Variants in INTS11 observed in about 807,000 individuals in gnomAD.
INTS11 encodes CPSF3-like protein.
INTS11 carries 77 observed loss-of-function variants against 78.6 expected under a neutral mutation model. The ratio of observed to expected loss-of-function variants is 0.98; its 90% CI spans 0.81 to 1.18. The LOEUF (loss-of-function observed/expected upper bound fraction) is 1.18, where lower values mean the gene tolerates loss of function less well. INTS11 is among the 50% of genes most tolerant of loss of function. The pLI is 0.00. For synonymous variants in INTS11, 441 were observed against 326.9 expected, an observed-to-expected ratio of 1.35 and a Z score of -3.77; for missense variants, 875 against 825.9, an observed-to-expected ratio of 1.06 and a Z score of -0.73.
chr1:1,314,321 G>A lies in INTS11; in HGVS notation c.747C>T (p.Cys249=), dbSNP rs1374460790. The A allele has an allele frequency of 6.9e-6, 11 of 1,605,128 alleles. No homozygotes were observed. The highest frequency in any genetic ancestry group is 6.8e-5 in the Admixed American group (4 of 58,774). ...VFALGRAQEL[C]ILLETFWERM... ...CCTACCAGAAGGTCTCCAGGAGGAT[G>A]CAGAGCTCCTGGGCGCGGCCCAGCG... Residue 249 remains cysteine, a synonymous_variant, in exon 8 of 17, where the codon TGC becomes TGT. Transcript: ENST00000435064. The surrounding 1 kb of genome is among the most constrained non-coding windows in gnomAD (Gnocchi z 4.2).
At chr1:1,319,791 C>T (rs537427676) in intron 3 of INTS11, 3 of 479,894 alleles carry the variant, frequency 6.3e-6, no homozygotes, top group South Asian at 2.7e-5. Context: ...CTGAGGGAAC[C>T]GCGCATAGGG....
Position 1,314,901 on chromosome 1 carries a change from T to C in INTS11, c.625A>G (p.Thr209Ala). The change falls in exon 7 of 17, where the codon ACC (threonine) becomes GCC (alanine). Residue 209 changes from threonine (T) to alanine (A), a missense_variant. Physicochemically the swap from Thr to Ala is moderately conservative, Grantham distance 58. Coordinates refer to ENST00000435064, the MANE Select transcript of INTS11 (RefSeq NM_017871.6). This position sits in a 1 kb window ranked among gnomAD's most constrained non-coding sequence, Gnocchi z 4.2. ...LLITESTYATTIRDSKRCRER... is the reference protein window; with the variant it reads ...LLITESTYATAIRDSKRCRER... Reference sequence around the variant, plus strand: ...CGGCAGCGCTTGGAGTCACGGATGGTCGTGGCGTACGTGGACTCTGTGATG... The same window carrying C: ...CGGCAGCGCTTGGAGTCACGGATGGCCGTGGCGTACGTGGACTCTGTGATG... 1 of 1,612,934 alleles carries C rather than the reference T, an allele frequency of 6.2e-7. No homozygotes were observed. Among genetic ancestry groups the C allele is most frequent in the Non-Finnish European group, 8.5e-7 (1 of 1,179,914 alleles).
Position 1,312,815 on chromosome 1 carries a change from G to A in INTS11, c.1266C>T (p.Phe422=). The change falls in exon 12 of 17, where the codon TTC becomes TTT. Residue 422 remains phenylalanine (F), a synonymous_variant. Coordinates refer to ENST00000435064, the MANE Select transcript of INTS11 (RefSeq NM_017871.6). ...LVHGEAKKME[F]LKQKIEQELR... ...GCTCCTGCTCGATCTTCTGCTTCAGGAACTCCATCTTCTTGGCCTCGCCAT... is the reference window on the plus strand; with the variant it reads ...GCTCCTGCTCGATCTTCTGCTTCAGAAACTCCATCTTCTTGGCCTCGCCAT... 6.2e-7 allele frequency: 1 copy of A among 1,610,830 alleles called. No individual in the cohort carries two copies. The highest frequency in any genetic ancestry group is 1.1e-5 in the South Asian group (1 of 91,058).
chr1:1,323,081 G>A (rs1643057253), intron 1 of INTS11: 1 of 1,490,630 alleles, frequency 6.7e-7, no homozygotes, highest in South Asian at 1.3e-5. Context: ...TGGGGCCCAT[G>A]CAAACAGCTG....
rs1557633561 is a variant in INTS11, at chr1:1,313,937, C to A, written c.768-16G>T. 6.2e-7 allele frequency: 1 copy of A among 1,607,272 alleles called. No homozygotes were observed. Among genetic ancestry groups the A allele is most frequent in the Non-Finnish European group, 8.5e-7 (1 of 1,175,880 alleles). ...CATGCGCTCCCTGGGGACCACCGGCCCAGTCAGCACAGTGGCCACAGGGGA... is the reference window on the plus strand; with the variant it reads ...CATGCGCTCCCTGGGGACCACCGGCACAGTCAGCACAGTGGCCACAGGGGA... On this transcript the variant is annotated splice_polypyrimidine_tract_variant and intron_variant, in intron 8 of 16. Coordinates refer to ENST00000435064, the MANE Select transcript of INTS11 (RefSeq NM_017871.6).
intron 10 of INTS11, 151 bp downstream of exon 10, chr1:1,313,358 C>T: frequency 2.1e-6 from 2 of 946,670 alleles, no homozygotes; most frequent in Non-Finnish European, 3.3e-6. Flanking sequence ...TGAGCAGCTC[C>T]AGGCGGACAT....
At position 1,314,842 on chromosome 1, in the gene INTS11, G is replaced by A. The variant is rs368395926; in HGVS notation, c.684C>T (p.Thr228=). The A allele has an allele frequency of 4.7e-5, 75 of 1,612,062 alleles. No individual in the cohort carries two copies. The highest frequency in any genetic ancestry group is 5.1e-5 in the Non-Finnish European group (60 of 1,179,386). Residue 228 remains threonine, a synonymous_variant, in exon 7 of 17, where the codon ACC becomes ACT. Coordinates refer to ENST00000435064, the MANE Select transcript of INTS11 (RefSeq NM_017871.6). The surrounding 1 kb of genome is among the most constrained non-coding windows in gnomAD (Gnocchi z 4.2). The part of the protein sequence containing the change: ...ERDFLKKVHE[T]VERGGKVLIP... ...CAGCTACCTTCCCACCACGCTCCAC[G>A]GTCTCGTGGACTTTCTTCAGGAAGT...
At chr1:1,320,804 C>T (rs969401030) in intron 2 of INTS11, 192 bp downstream of exon 2, 1 of 724,930 alleles carries the variant, frequency 1.4e-6, no homozygotes. Flanking sequence ...GGGCTCAGCG[C>T]CAGCACAGGG....
At position 1,312,887 on chromosome 1, in the gene INTS11, G is replaced by A. The variant is rs1642316566; in HGVS notation, c.1194C>T (p.Ile398=). The part of the protein sequence containing the change: ...SFSAHADAKG[I]MQLVGQAEPE... ...GCTCTGCCTGGCCCACCAGCTGCAT[G>A]ATGCCCTTGGCGTCCGCGTGTGCGC... The change falls in exon 12 of 17, where the codon ATC becomes ATT. Residue 398 remains isoleucine (I), a synonymous_variant. Transcript: ENST00000435064. The A allele has an allele frequency of 1.2e-6, 2 of 1,612,456 alleles. No homozygotes were observed. The highest frequency in any genetic ancestry group is 1.6e-4 in the Middle Eastern group (1 of 6,082).
Position 1,313,936 on chromosome 1 carries a change from C to T in INTS11, c.768-15G>A, listed in dbSNP as rs369838651. 1.6e-5 allele frequency: 26 copies of T among 1,609,278 alleles called. No homozygotes were observed. The highest frequency in any genetic ancestry group is 2.2e-5 in the Non-Finnish European group (26 of 1,177,320). ...TCATGCGCTCCCTGGGGACCACCGG[C>T]CCAGTCAGCACAGTGGCCACAGGGG... is the stretch of plus-strand genomic sequence containing the variant. On this transcript the variant is annotated splice_polypyrimidine_tract_variant and intron_variant, in intron 8 of 16. Coordinates refer to ENST00000435064, the MANE Select transcript of INTS11 (RefSeq NM_017871.6).
rs757672431 is a variant in INTS11 at position 1,314,341 on chromosome 1, C to T, written c.727G>A (p.Gly243Ser). The change falls in exon 8 of 17, where the codon GGC becomes AGC. Residue 243 changes from glycine to serine, a missense_variant. By Grantham distance (56) the Gly-to-Ser change is moderately conservative. Transcript: ENST00000435064. The surrounding 1 kb of genome is among the most constrained non-coding windows in gnomAD (Gnocchi z 4.2). ...GKVLIPVFAL[G>S]RAQELCILLE... ...AGGATGCAGAGCTCCTGGGCGCGGC[C>T]CAGCGCGAACACAGGTATCAGCACC... 6.2e-7 allele frequency: 1 copy of T among 1,607,642 alleles called. No individual in the cohort carries two copies.
intron 4 of INTS11, among the ~76,000 whole-genome samples, chr1:1,318,145 C>T (rs1185954120): frequency 6.6e-6 from 1 of 152,166 alleles, no homozygotes; most frequent in Non-Finnish European, 1.5e-5. Context: ...GCTGGGATTA[C>T]AGGCGTGAGC....
chr1:1,323,084 A>G, intron 1 of INTS11: 1 of 1,493,228 alleles, frequency 6.7e-7, no homozygotes, highest in Non-Finnish European at 9.0e-7. Flanking sequence ...GGCCCATGCA[A>G]ACAGCTGCAA....
chr1:1,322,866 A>C (rs3845293), intron 1 of INTS11: 1,034,382 of 1,160,086 alleles, frequency 0.89, 470,851 homozygotes, highest in Non-Finnish European at 0.93. Flanking sequence ...GGAAGCGGTG[A>C]AACAGGACTT....
intron 4 of INTS11, chr1:1,317,804 C>A (rs1295332659): frequency 1.3e-5 from 2 of 152,014 alleles, no homozygotes; most frequent in East Asian, 3.9e-4. Context: ...TCTTACACAC[C>A]TAAGGGAAAA....
Position 1,314,834 on chromosome 1 carries a change from C to A in INTS11, c.692G>T (p.Arg231Leu). ...CCCTGCTGCAGCTACCTTCCCACCA[C>A]GCTCCACGGTCTCGTGGACTTTCTT... Reference protein sequence around the residue: ...FLKKVHETVERGGKVLIPVFA... With the variant: ...FLKKVHETVELGGKVLIPVFA... Residue 231 changes from arginine (R) to leucine (L), a missense_variant, in exon 7 of 17, where the codon CGT becomes CTT. Physicochemically the swap from Arg to Leu is moderately radical, Grantham distance 102. Transcript: ENST00000435064. The surrounding 1 kb of genome is among the most constrained non-coding windows in gnomAD (Gnocchi z 4.2). The A allele has an allele frequency of 6.2e-7, 1 of 1,611,404 alleles. No homozygotes were observed. Among genetic ancestry groups the A allele is most frequent in the Non-Finnish European group, 8.5e-7 (1 of 1,178,720 alleles).
intron 4 of INTS11, chr1:1,318,955 G>A (rs933686219): frequency 2.8e-5 from 20 of 717,066 alleles, no homozygotes; most frequent in East Asian, 5.4e-5. Flanking sequence ...GCAACACCCC[G>A]GGAGCTCCAG....
In INTS11 at chr1:1,312,213, G is replaced by GCCCGGCCCCCCCCCCCC; in HGVS notation, c.1607+12_1607+13insGGGGGGGGGGGGCCGGG. On this transcript the variant is annotated intron_variant, in intron 15 of 16. Coordinates refer to ENST00000435064, the MANE Select transcript of INTS11 (RefSeq NM_017871.6). ...CCCAAGGGAGTGGGGGGGGGGCGGG[G>GCCCGGCCCCCCCCCCCC]CCGGGCGCCCACCTCTTGAGGTGGC... 3.2e-6 allele frequency: 3 copies of GCCCGGCCCCCCCCCCCC among 934,550 alleles called. No individual in the cohort carries two copies. The allele number at this position is 934,550 out of a possible 1,614,324, so 57.9% of individuals were successfully genotyped here. A position where few individuals can be genotyped will look rare whatever the true frequency, so the allele number is the denominator to read the frequency against.
At chr1:1,320,414 G>A in intron 3 of INTS11, 42 bp downstream of exon 3, 1 of 1,594,258 alleles carries the variant, frequency 6.3e-7, no homozygotes, top group Non-Finnish European at 8.6e-7. Context: ...AAGCCCCACA[G>A]GCACAGACAT....
Sources: gnomAD v4.1 joint callset for allele counts (sites outside exome capture counted in the v4.1 genomes callset) on GRCh38, gnomAD v4.1.1 for gene constraint, Gnocchi (gnomAD v3.1) non-coding constraint, MANE v1.5 for transcripts, NCBI Gene and HGNC (gene_info 2026-07-23, HGNC 2026-07-21) for gene names.